Variants in DMD observed in about 807,000 individuals in gnomAD.
DMD encodes the protein mutant dystrophin.
In DMD, 63 loss-of-function variants were observed where a neutral mutation model predicts 330.1. The observed-to-expected ratio is 0.19, with a 90% CI of 0.16 to 0.24. The LOEUF (loss-of-function observed/expected upper bound fraction) is 0.24, where lower values mean the gene tolerates loss of function less well. DMD is among the 10% of genes least tolerant of loss of function. The probability of loss-of-function intolerance (pLI) is 1.00; values close to 1 mark genes in which losing one functional copy is unlikely to be tolerated. For missense variants in DMD, 3,344 were observed against 2,684.1 expected (o/e 1.25, Z -5.43); for synonymous variants, 1,223 against 959.8 (o/e 1.27, Z -5.07).
At chrX:32,323,575 A>C (rs6653582) in intron 41 of DMD, among the ~76,000 whole-genome samples, 17,929 of 111,146 alleles carry the variant, frequency 0.16, 1,389 homozygotes, top group African/African-American at 0.29. Context: ...GAGTTGACTA[A>C]GTAAATCATC....
intron 55 of DMD, among the ~76,000 whole-genome samples, chrX:31,569,631 CGT>C (rs2075675080): frequency 8.3e-5 from 8 of 96,603 alleles, no homozygotes; most frequent in African/African-American, 3.1e-4. Context: ...TACGTATATA[CGT>C]ATATATATGT....
intron 50 of DMD, among the ~76,000 whole-genome samples, chrX:31,775,510 G>C (rs1450860931): frequency 1.8e-5 from 2 of 110,934 alleles, no homozygotes; most frequent in Admixed American, 1.9e-4. Flanking sequence ...GTGGTGAGGG[G>C]AAGGAATGCC....
intron 25 of DMD, among the ~76,000 whole-genome samples, chrX:32,455,221 T>A (rs2098351940): frequency 9.0e-6 from 1 of 111,500 alleles, no homozygotes; most frequent in African/African-American, 3.2e-5. Flanking sequence ...TTTTACTATT[T>A]TAAATATTCT....
At chrX:32,774,448 A>G (rs2073945841) in intron 7 of DMD, among the ~76,000 whole-genome samples, 1 of 111,645 alleles carries the variant, frequency 9.0e-6, no homozygotes, top group Admixed American at 9.5e-5. Flanking sequence ...ACACTGCCAT[A>G]AGGAATACCT....
At chrX:32,759,446 T>TC (rs755590173) in intron 7 of DMD, among the ~76,000 whole-genome samples, 4 of 111,734 alleles carry the variant, frequency 3.6e-5, no homozygotes, top group African/African-American at 9.7e-5. Flanking sequence ...GGTAGCACTT[T>TC]CCCCACTTTC....
chrX:31,650,532 G>A (rs1010740894), intron 54 of DMD, among the ~76,000 whole-genome samples: 2 of 111,351 alleles, frequency 1.8e-5, no homozygotes, highest in Admixed American at 1.9e-4. Flanking sequence ...ATAACAGTCT[G>A]CTGAGGATCA....
chrX:31,411,293 C>A (rs1220268005), intron 60 of DMD, among the ~76,000 whole-genome samples: 1 of 111,228 alleles, frequency 9.0e-6, no homozygotes, highest in Admixed American at 9.6e-5. Context: ...AGAATACCAC[C>A]AACAGAGGAC....
At chrX:31,457,585 A>G (rs2066271331) in intron 59 of DMD, among the ~76,000 whole-genome samples, 1 of 112,089 alleles carries the variant, frequency 8.9e-6, no homozygotes, top group South Asian at 3.7e-4. Flanking sequence ...ATGCAGGACA[A>G]AGTATAATAT....
intron 1 of DMD, among the ~76,000 whole-genome samples, chrX:33,196,606 T>C (rs1042958384): frequency 4.5e-5 from 5 of 112,259 alleles, no homozygotes; most frequent in Admixed American, 9.5e-5. Flanking sequence ...TTTAGAGTTA[T>C]ATACATTAGT....
chrX:31,493,633 T>C (rs974084279), intron 57 of DMD, among the ~76,000 whole-genome samples: 9 of 111,695 alleles, frequency 8.1e-5, no homozygotes, highest in African/African-American at 2.9e-4. Flanking sequence ...ACAAGCCAGA[T>C]AGTGCCTTGT....
At chrX:32,994,538 T>C (rs964507639) in intron 2 of DMD, among the ~76,000 whole-genome samples, 1 of 111,759 alleles carries the variant, frequency 8.9e-6, no homozygotes, top group Admixed American at 9.6e-5. Flanking sequence ...TGCACATATA[T>C]CTTTGACAAA....
chrX:31,275,015 TATA>T (rs1433935791), intron 62 of DMD, among the ~76,000 whole-genome samples: 2 of 110,948 alleles, frequency 1.8e-5, no homozygotes, highest in Non-Finnish European at 3.8e-5. Context: ...TCAGACAGAT[TATA>T]ATAATTACAG....
chrX:32,876,863 A>T (rs1022747647), intron 2 of DMD, among the ~76,000 whole-genome samples: 2 of 111,992 alleles, frequency 1.8e-5, no homozygotes, highest in South Asian at 3.7e-4. Flanking sequence ...AACTACTTAC[A>T]CTATTACTTT....
At chrX:32,117,165 T>C (rs1027945116) in intron 44 of DMD, among the ~76,000 whole-genome samples, 1 of 110,830 alleles carries the variant, frequency 9.0e-6, no homozygotes, top group African/African-American at 3.3e-5. Flanking sequence ...CAAATGGGAA[T>C]TCTTAAGAGA....
intron 61 of DMD, among the ~76,000 whole-genome samples, chrX:31,334,440 A>G (rs1397836715): frequency 9.0e-6 from 1 of 111,443 alleles, no homozygotes; most frequent in Admixed American, 9.5e-5. Context: ...AACTAGATAG[A>G]ACATCTCCTT....
intron 67 of DMD, among the ~76,000 whole-genome samples, chrX:31,193,403 C>G (rs748879778): frequency 2.9e-4 from 33 of 111,911 alleles, no homozygotes; most frequent in Non-Finnish European, 6.0e-4. Flanking sequence ...TCAGAACCAC[C>G]TTGGATGTCC....
intron 4 of DMD, among the ~76,000 whole-genome samples, chrX:32,830,208 T>C (rs1425340005): frequency 9.0e-6 from 1 of 111,570 alleles, no homozygotes; most frequent in Admixed American, 9.6e-5. Context: ...TTTCTTACTA[T>C]TAGCTGTAAG....
intron 67 of DMD, among the ~76,000 whole-genome samples, chrX:31,198,910 G>A (rs1276596788): frequency 1.8e-5 from 2 of 112,054 alleles, no homozygotes; most frequent in Middle Eastern, 4.6e-3. Flanking sequence ...TGTTTTGGGG[G>A]AGGGGTGTTT....
At chrX:32,744,514 T>C (rs1196906010) in intron 7 of DMD, among the ~76,000 whole-genome samples, 5 of 111,468 alleles carry the variant, frequency 4.5e-5, no homozygotes, top group Non-Finnish European at 9.4e-5. Flanking sequence ...TTCATATACA[T>C]GGTGGCCTAG....
Sources: allele counts gnomAD v4.1 joint callset (sites outside exome capture counted in the v4.1 genomes callset), GRCh38; gene constraint gnomAD v4.1.1; transcripts MANE v1.5; gene names NCBI Gene and HGNC (gene_info 2026-07-23, HGNC 2026-07-21).